Variants in C7orf33 observed in about 807,000 individuals in gnomAD.
C7orf33 encodes the protein chromosome 7 open reading frame 33, also known as uncharacterized protein C7orf33.
In C7orf33, 15 loss-of-function variants were observed where a neutral mutation model predicts 13.4. The observed-to-expected ratio is 1.12, with a 90% CI of 0.75 to 1.72. The LOEUF (loss-of-function observed/expected upper bound fraction) is 1.72. Ranked by LOEUF, C7orf33 falls within the 40% of genes most tolerant of loss-of-function variation. C7orf33 has a pLI of 0.00. For missense variants in C7orf33, 187 were observed against 220.3 expected, an observed-to-expected ratio of 0.85 and a Z score of 0.96; for synonymous variants, 73 against 83.2, an observed-to-expected ratio of 0.88 and a Z score of 0.67.
Position 148,591,042 on chromosome 7 carries a change from C to T in C7orf33, c.117C>T (p.Arg39=), listed in dbSNP as rs950736224. The part of the protein sequence containing the change: ...PSGARRRIDL[R]LSGRAVAVWV... Reference sequence around the variant, plus strand: ...GGGCAAGGCGCCGGATTGACCTTCGCCTGAGTGGGAGGGCAGTCGCTGTTT... The same window carrying T: ...GGGCAAGGCGCCGGATTGACCTTCGTCTGAGTGGGAGGGCAGTCGCTGTTT... Residue 39 remains arginine (R), a synonymous_variant, in exon 1 of 3, where the codon CGC becomes CGT. Coordinates refer to ENST00000307003, the MANE Select transcript of C7orf33 (RefSeq NM_145304.4). 1.2e-6 allele frequency: 2 copies of T among 1,614,116 alleles called. No individual in the cohort carries two copies. The highest frequency in any genetic ancestry group is 1.7e-6 in the Non-Finnish European group (2 of 1,180,020).
At chr7:148,606,933 T>TACACACACACACACAC (rs112000703) in intron 1 of C7orf33, among the ~76,000 whole-genome samples, 15,473 of 139,072 alleles carry the variant, frequency 0.11, 1,218 homozygotes, top group Non-Finnish European at 0.16. Context: ...AAAAAAAAAA[T>TACACACACACACACAC]ACACACACAC....
chr7:148,596,713 C>A (rs1796343879), intron 1 of C7orf33, among the ~76,000 whole-genome samples: 1 of 152,126 alleles, frequency 6.6e-6, no homozygotes, highest in Non-Finnish European at 1.5e-5. Flanking sequence ...TATGGGAGTA[C>A]AATTCAATTT....
At chr7:148,595,656 GAT>G (rs1796329539) in intron 1 of C7orf33, among the ~76,000 whole-genome samples, 64 of 68,206 alleles carry the variant, frequency 9.4e-4, no homozygotes, top group African/African-American at 7.9e-3. Flanking sequence ...ATATAATATA[GAT>G]CTATATTATA....
At chr7:148,601,232 G>A (rs563464931) in intron 1 of C7orf33, among the ~76,000 whole-genome samples, 6 of 152,078 alleles carry the variant, frequency 3.9e-5, no homozygotes, top group Non-Finnish European at 8.8e-5. Context: ...AAAAGACGGT[G>A]TTTTCATTAT....
chr7:148,603,252 A>G (rs917695614), intron 1 of C7orf33, among the ~76,000 whole-genome samples: 3 of 152,082 alleles, frequency 2.0e-5, no homozygotes, highest in Non-Finnish European at 4.4e-5. Flanking sequence ...GAAATCTCAG[A>G]AGAGCTCTGA....
chr7:148,595,360 T>G (rs1182211680), intron 1 of C7orf33, among the ~76,000 whole-genome samples: 1 of 137,420 alleles, frequency 7.3e-6, no homozygotes, highest in Non-Finnish European at 1.5e-5. Flanking sequence ...TATAGATATA[T>G]CAAATATAAT....
At chr7:148,611,738 G>C (rs1796545811) in intron 1 of C7orf33, among the ~76,000 whole-genome samples, 1 of 152,248 alleles carries the variant, frequency 6.6e-6, no homozygotes, top group Admixed American at 6.5e-5. Context: ...GCCATCTGCA[G>C]ATGGCAAATC....
chr7:148,590,952 C>G lies in C7orf33; in HGVS notation c.27C>G (p.Ser9Arg), dbSNP rs750523525. The change falls in exon 1 of 3, where the codon AGC becomes AGG. Residue 9 changes from serine to arginine, a missense_variant. By Grantham distance (110) the Ser-to-Arg change is moderately radical. Transcript: ENST00000307003. Reference sequence around the variant, plus strand: ...TGCAAGTGGAAGTTCAAAGCCTCAGCCTTGAAGAGTGTCCCTGGAGACTTC... The same window carrying G: ...TGCAAGTGGAAGTTCAAAGCCTCAGGCTTGAAGAGTGTCCCTGGAGACTTC... MQVEVQSL[S>R]LEECPWRLPG... 6 of 1,614,178 alleles carry G rather than the reference C, an allele frequency of 3.7e-6. No homozygotes were observed. The East Asian group carries it at 1.3e-4, about 36-fold the overall frequency.
At chr7:148,610,405 C>G (rs990128629) in intron 1 of C7orf33, among the ~76,000 whole-genome samples, 10 of 152,112 alleles carry the variant, frequency 6.6e-5, no homozygotes, top group African/African-American at 2.4e-4. Flanking sequence ...AGCTTCCCAG[C>G]CTACCTCTTT....
intron 1 of C7orf33, among the ~76,000 whole-genome samples, chr7:148,610,221 C>T (rs1792985867): frequency 6.6e-6 from 1 of 152,110 alleles, no homozygotes; most frequent in Admixed American, 6.5e-5. Flanking sequence ...TTGAAGGATG[C>T]AAAGTATTGA....
At chr7:148,608,648 C>T (rs148407950) in intron 1 of C7orf33, among the ~76,000 whole-genome samples, 2 of 151,820 alleles carry the variant, frequency 1.3e-5, no homozygotes, top group Non-Finnish European at 2.9e-5. Context: ...AACCCCGTCT[C>T]TACTAAAAAT....
intron 1 of C7orf33, among the ~76,000 whole-genome samples, chr7:148,608,412 A>G (rs1020476461): frequency 6.6e-6 from 1 of 152,020 alleles, no homozygotes; most frequent in Non-Finnish European, 1.5e-5. Context: ...CCTGGGCGAC[A>G]GAGTGAGACT....
At chr7:148,607,212 A>C (rs896671004) in intron 1 of C7orf33, among the ~76,000 whole-genome samples, 6 of 152,282 alleles carry the variant, frequency 3.9e-5, no homozygotes, top group African/African-American at 1.2e-4. Flanking sequence ...GATAAAAGCG[A>C]GTTGGTAAAG....
At chr7:148,596,835 C>T (rs1368205668) in intron 1 of C7orf33, among the ~76,000 whole-genome samples, 1 of 152,124 alleles carries the variant, frequency 6.6e-6, no homozygotes, top group African/African-American at 2.4e-5. Context: ...CACTCTACTC[C>T]TTGGCAACCA....
intron 1 of C7orf33, among the ~76,000 whole-genome samples, chr7:148,606,077 C>T (rs1796470057): frequency 6.6e-6 from 1 of 152,192 alleles, no homozygotes. Flanking sequence ...ATGCCTTTCA[C>T]ATTGCTGCAC....
intron 1 of C7orf33, among the ~76,000 whole-genome samples, chr7:148,595,639 T>A (rs187491410): frequency 1.7e-3 from 130 of 77,892 alleles, no homozygotes; most frequent in Admixed American, 3.9e-3. Flanking sequence ...ACATCTATAT[T>A]ATATAGATAT....
chr7:148,594,397 C>T (rs1368205336), intron 1 of C7orf33, among the ~76,000 whole-genome samples: 2 of 151,986 alleles, frequency 1.3e-5, no homozygotes, highest in Non-Finnish European at 2.9e-5. Context: ...AGGATGGTCT[C>T]GATCTCCTGA....
At chr7:148,607,481 A>C (rs1412283638) in intron 1 of C7orf33, among the ~76,000 whole-genome samples, 1 of 152,198 alleles carries the variant, frequency 6.6e-6, no homozygotes, top group Non-Finnish European at 1.5e-5. Flanking sequence ...AGCAATGGTC[A>C]ATTTCCCTAG....
Position 148,591,209 on chromosome 7 carries a change from G to A in C7orf33, c.204+80G>A, listed in dbSNP as rs541262366. The A allele has an allele frequency of 3.3e-6, 4 of 1,198,400 alleles. No homozygotes were observed. In the Admixed American group the frequency reaches 5.4e-5, roughly 16 times the overall value. The allele number at this position is 1,198,400 out of a possible 1,614,324, so 74.2% of individuals were successfully genotyped here. A position where few individuals can be genotyped will look rare whatever the true frequency, so the allele number is the denominator to read the frequency against. Reference sequence around the variant, plus strand: ...TTGAGAATTCATTCACTCAATCCATGAATGTTTTTGACTCTCTACTATGTG... The same window carrying A: ...TTGAGAATTCATTCACTCAATCCATAAATGTTTTTGACTCTCTACTATGTG... On this transcript the variant is annotated intron_variant, in intron 1 of 2. Transcript: ENST00000307003.
Sources: allele counts gnomAD v4.1 joint callset (sites outside exome capture counted in the v4.1 genomes callset), GRCh38; gene constraint gnomAD v4.1.1; transcripts MANE v1.5; gene names NCBI Gene and HGNC (gene_info 2026-07-23, HGNC 2026-07-21).